KLHL18: variants seen among roughly 807,000 people sequenced by gnomAD.
KLHL18 encodes kelch-like protein 18.
Under a neutral mutation model 58.5 loss-of-function variants are expected in KLHL18, and 38 were observed. That is an observed-to-expected ratio of 0.65 (90% CI 0.50 to 0.85). The LOEUF is 0.85. Ranked by LOEUF, KLHL18 falls within the 40% of genes least tolerant of loss-of-function variation. The pLI, the probability that KLHL18 is intolerant of heterozygous loss-of-function variation, is 0.00. For synonymous variants in KLHL18, 303 were observed against 301.9 expected (o/e 1.00, Z -0.04); for missense variants, 624 against 778.4 (o/e 0.80, Z 2.36).
chr3:47,330,644 C>T (rs1420414878), intron 4 of KLHL18, among the ~76,000 whole-genome samples: 1 of 152,106 alleles, frequency 6.6e-6, no homozygotes, highest in Non-Finnish European at 1.5e-5. Context: ...TCAACCTACT[C>T]ACCTTATTCT....
intron 1 of KLHL18, among the ~76,000 whole-genome samples, chr3:47,305,573 T>A (rs1703127967): frequency 6.6e-6 from 1 of 152,120 alleles, no homozygotes; most frequent in Admixed American, 6.6e-5. Context: ...TGTACTTTTC[T>A]TGTTTTATAC....
At chr3:47,314,396 G>A (rs1186009106) in intron 1 of KLHL18, among the ~76,000 whole-genome samples, 1 of 152,212 alleles carries the variant, frequency 6.6e-6, no homozygotes, top group Non-Finnish European at 1.5e-5. Context: ...TGTAGAATTG[G>A]AAGGCCTCTA....
Position 47,322,731 on chromosome 3 carries a change from G to A in KLHL18, c.401+23G>A, listed in dbSNP as rs141739460. ...ACGGTGAGGTGATGTGGTGGGCCTGGTGGAGAACATGACTATTTCATTTCT... is the reference window on the plus strand; with the variant it reads ...ACGGTGAGGTGATGTGGTGGGCCTGATGGAGAACATGACTATTTCATTTCT... On this transcript the variant is annotated intron_variant, in intron 3 of 9. Coordinates refer to ENST00000232766, the MANE Select transcript of KLHL18 (RefSeq NM_025010.5). The A allele has an allele frequency of 2.2e-4, 333 of 1,534,786 alleles. No homozygotes were observed. The African/African-American group carries it at 4.0e-3, about 18-fold the overall frequency.
chr3:47,300,693 G>A (rs896695846), intron 1 of KLHL18, among the ~76,000 whole-genome samples: 2 of 121,790 alleles, frequency 1.6e-5, no homozygotes, highest in Non-Finnish European at 3.2e-5. Context: ...AGGCTGGGGT[G>A]CAATGGTGCG....
intron 1 of KLHL18, among the ~76,000 whole-genome samples, chr3:47,284,347 T>G (rs1702607595): frequency 6.7e-6 from 1 of 148,634 alleles, no homozygotes; most frequent in African/African-American, 2.4e-5. Flanking sequence ...CTTTTTTTTT[T>G]TTTTTTTGAG....
chr3:47,312,993 T>G (rs1185924662), intron 1 of KLHL18, among the ~76,000 whole-genome samples: 1 of 145,436 alleles, frequency 6.9e-6, no homozygotes, highest in Non-Finnish European at 1.5e-5. Context: ...CACTGTAGGC[T>G]CCGCCTCCCA....
chr3:47,295,988 G>A (rs1702888897), intron 1 of KLHL18, among the ~76,000 whole-genome samples: 1 of 152,134 alleles, frequency 6.6e-6, no homozygotes, highest in Non-Finnish European at 1.5e-5. Context: ...TATCCCTCCA[G>A]GTGTAGTTCA....
At chr3:47,328,298 C>T (rs1703772309) in intron 3 of KLHL18, among the ~76,000 whole-genome samples, 1 of 150,746 alleles carries the variant, frequency 6.6e-6, no homozygotes, top group African/African-American at 2.4e-5. Flanking sequence ...CTCAAGAGGT[C>T]AAGGCTATCA....
Position 47,343,834 on chromosome 3 carries a change from T to A in KLHL18, c.1618T>A (p.Ser540Thr). ...CTACGACGGACAGTCAAACCTAAGCTCAGTGGAGATGTATGACCCAGAGAC... is the reference window on the plus strand; with the variant it reads ...CTACGACGGACAGTCAAACCTAAGCACAGTGGAGATGTATGACCCAGAGAC... The part of the protein sequence containing the change: ...GGYDGQSNLS[S>T]VEMYDPETDC... Residue 540 changes from serine to threonine, a missense_variant, in exon 10 of 10, where the codon TCA (serine) becomes ACA (threonine). Physicochemically the swap from Ser to Thr is moderately conservative, Grantham distance 58. Transcript: ENST00000232766. 2 of 1,613,930 alleles carry A rather than the reference T, an allele frequency of 1.2e-6. No individual in the cohort carries two copies. Among genetic ancestry groups the A allele is most frequent in the Non-Finnish European group, 1.7e-6 (2 of 1,179,992 alleles).
At chr3:47,283,792 G>A (rs1702561454) in intron 1 of KLHL18, among the ~76,000 whole-genome samples, 1 of 152,172 alleles carries the variant, frequency 6.6e-6, no homozygotes, top group Admixed American at 6.5e-5. Context: ...TCCCTCCTGT[G>A]CCTGGGTCTT....
Position 47,334,943 on chromosome 3 carries a change from A to T in KLHL18, c.898+124A>T. The T allele has an allele frequency of 1.1e-6, 1 of 913,016 alleles. No homozygotes were observed. Among genetic ancestry groups the T allele is most frequent in the Non-Finnish European group, 1.6e-6 (1 of 611,508 alleles). The allele number at this position is 913,016 out of a possible 1,614,324, so 56.6% of individuals were successfully genotyped here. On this transcript the variant is annotated intron_variant, in intron 6 of 9. Transcript: ENST00000232766. This position sits in a 1 kb window ranked among gnomAD's most constrained non-coding sequence, Gnocchi z 4.7. ...ACTGTCACCACCCTTGCCCCTCTTG[A>T]TTTTATACAATTGCTCTACAGTTAG...
intron 9 of KLHL18, 29 bp from the exon 10 acceptor site, chr3:47,343,526 C>T (rs1214431742): frequency 6.2e-7 from 1 of 1,611,982 alleles, no homozygotes; most frequent in Non-Finnish European, 8.5e-7. Context: ...TCTGACTGTC[C>T]TGTACCTGTG....
At chr3:47,309,846 C>G (rs1447593909) in intron 1 of KLHL18, among the ~76,000 whole-genome samples, 2 of 152,108 alleles carry the variant, frequency 1.3e-5, no homozygotes, top group Non-Finnish European at 2.9e-5. Context: ...AAAAAAATAA[C>G]GAAAACCAGT....
chr3:47,332,745 T>G (rs1703893770), intron 4 of KLHL18, among the ~76,000 whole-genome samples: 1 of 145,588 alleles, frequency 6.9e-6, no homozygotes. Flanking sequence ...AATAGGGGAG[T>G]GGGTTTAGAT....
chr3:47,305,668 T>A (rs1275778624), intron 1 of KLHL18, among the ~76,000 whole-genome samples: 1 of 152,052 alleles, frequency 6.6e-6, no homozygotes, highest in Non-Finnish European at 1.5e-5. Flanking sequence ...TGGAAGAGAT[T>A]GTTTAAAATT....
chr3:47,320,914 TGAAAAA>T (rs1284883747), intron 2 of KLHL18, among the ~76,000 whole-genome samples: 3 of 152,004 alleles, frequency 2.0e-5, no homozygotes, highest in African/African-American at 7.3e-5. Context: ...CCTTGACTCT[TGAAAAA>T]GAAAGAAAGA....
At chr3:47,321,167 G>T (rs950554015) in intron 2 of KLHL18, among the ~76,000 whole-genome samples, 33 of 151,830 alleles carry the variant, frequency 2.2e-4, no homozygotes, top group Admixed American at 9.8e-4. Flanking sequence ...CCTTTTTTTT[G>T]GGGGGAGTGG....
At chr3:47,302,696 G>C (rs139031831) in intron 1 of KLHL18, among the ~76,000 whole-genome samples, 1 of 152,132 alleles carries the variant, frequency 6.6e-6, no homozygotes, top group South Asian at 2.1e-4. Context: ...AGCCGGTGTC[G>C]TTCAAGGATC....
rs748160081 is a variant in KLHL18 at position 47,346,406 on chromosome 3, A to G, written c.*2465A>G. On this transcript the variant is annotated 3_prime_UTR_variant, in exon 10 of 10. Transcript: ENST00000232766. ...CAGTAGGTTCCTCAGTCCGATGGTGAATGGCTATTCGTAAATGGCTGGTCT... is the reference window on the plus strand; with the variant it reads ...CAGTAGGTTCCTCAGTCCGATGGTGGATGGCTATTCGTAAATGGCTGGTCT... The G allele has an allele frequency of 6.5e-6, 1 of 152,692 alleles. No individual in the cohort carries two copies. The highest frequency in any genetic ancestry group is 1.5e-5 in the Non-Finnish European group (1 of 68,058). 9.5% of individuals were successfully genotyped at this position (152,692 alleles called of 1,614,324 possible).
Sources: allele counts gnomAD v4.1 joint callset (sites outside exome capture counted in the v4.1 genomes callset), GRCh38; gene constraint gnomAD v4.1.1; non-coding constraint Gnocchi (gnomAD v3.1); transcripts MANE v1.5; gene names NCBI Gene and HGNC (gene_info 2026-07-23, HGNC 2026-07-21).